The following QTRT1 variants were observed in gnomAD, a reference collection of about 807,000 sequenced individuals.
QTRT1 encodes TGT, 43-KD subunit.
In QTRT1, 41 loss-of-function variants were observed where a neutral mutation model predicts 44.0. The ratio of observed to expected loss-of-function variants is 0.93; its 90% CI spans 0.73 to 1.21. QTRT1 has a LOEUF of 1.21. QTRT1 is among the 50% of genes most tolerant of loss of function. QTRT1 has a pLI of 0.00. For missense variants in QTRT1, 542 were observed against 575.8 expected, an observed-to-expected ratio of 0.94 and a Z score of 0.60; for synonymous variants, 226 against 237.1, an observed-to-expected ratio of 0.95 and a Z score of 0.43.
chr19:10,707,633 C>A lies in QTRT1; in HGVS notation c.646+18C>A. 1 of 1,563,110 alleles carries A rather than the reference C, an allele frequency of 6.4e-7. No homozygotes were observed. The highest frequency in any genetic ancestry group is 8.7e-7 in the Non-Finnish European group (1 of 1,148,082). ...CCTTGAAGGTAGAGCCATGCGCTGG[C>A]AGGCCCAGGGCTTGGCCATCGCGGA... On this transcript the variant is annotated intron_variant, in intron 5 of 9. Coordinates refer to ENST00000250237, the MANE Select transcript of QTRT1 (RefSeq NM_031209.3).
intron 3 of QTRT1, among the ~76,000 whole-genome samples, chr19:10,703,838 G>A (rs2068700830): frequency 6.7e-6 from 1 of 148,372 alleles, no homozygotes; most frequent in African/African-American, 2.5e-5. Flanking sequence ...ATTTTTTTAT[G>A]TTTATTTATT....
Position 10,701,956 on chromosome 19 carries a change from G to A in QTRT1, c.250G>A (p.Glu84Lys), listed in dbSNP as rs1316165125. ...TYHLGLRPGP[E>K]LIQKANGLHG... ...CTTTCTTCCATCAACCCAGGGACCC[G>A]AGCTGATCCAGAAAGCCAACGGTCT... is the stretch of plus-strand genomic sequence containing the variant. Residue 84 changes from glutamate to lysine, a missense_variant, in exon 2 of 10, where the codon GAG becomes AAG. Coordinates refer to ENST00000250237, the MANE Select transcript of QTRT1 (RefSeq NM_031209.3). 6.2e-7 allele frequency: 1 copy of A among 1,614,176 alleles called. No individual in the cohort carries two copies. The highest frequency in any genetic ancestry group is 1.1e-5 in the South Asian group (1 of 91,078).
In QTRT1 at chr19:10,701,541, G is replaced by T; in HGVS notation, c.81G>T (p.Arg27Ser). 2 of 1,602,492 alleles carry T rather than the reference G, an allele frequency of 1.2e-6. No homozygotes were observed. The highest frequency in any genetic ancestry group is 8.5e-7 in the Non-Finnish European group (1 of 1,173,936). The change falls in exon 1 of 10, where the codon AGG becomes AGT. Residue 27 changes from arginine to serine, a missense_variant. By Grantham distance (110) the Arg-to-Ser change is moderately radical. Transcript: ENST00000250237. ...TGGTGGCCGAATGCAGCCGCTCCAG[G>T]GCCCGGGCAGGCGAGCTGTGGCTGC... is the stretch of plus-strand genomic sequence containing the variant. ...MRLVAECSRS[R>S]ARAGELWLPH...
chr19:10,709,819 A>G (rs889315105), intron 5 of QTRT1, among the ~76,000 whole-genome samples: 16 of 152,022 alleles, frequency 1.1e-4, no homozygotes, highest in African/African-American at 3.9e-4. Flanking sequence ...ACTGCACTCC[A>G]GCCTGGGCAA....
chr19:10,712,685 A>C lies in QTRT1; in HGVS notation c.861+57A>C. ...GAGACGGGTGGGGGACTAGGGAGGC[A>C]AGGTTAGGGGTGGGGGGTGGGGAGA... On this transcript the variant is annotated intron_variant, in intron 7 of 9. Coordinates refer to ENST00000250237, the MANE Select transcript of QTRT1 (RefSeq NM_031209.3). The surrounding 1 kb of genome is among the most constrained non-coding windows in gnomAD (Gnocchi z 5.6). 1.4e-6 allele frequency: 1 copy of C among 735,428 alleles called. No homozygotes were observed. Among genetic ancestry groups the C allele is most frequent in the Non-Finnish European group, 2.1e-6 (1 of 466,592 alleles). 45.6% of individuals were successfully genotyped at this position (735,428 alleles called of 1,614,324 possible).
At chr19:10,709,641 G>T (rs965081381) in intron 5 of QTRT1, among the ~76,000 whole-genome samples, 1 of 152,100 alleles carries the variant, frequency 6.6e-6, no homozygotes, top group Non-Finnish European at 1.5e-5. Flanking sequence ...GAGGTCGGGA[G>T]ATCGAGACCA....
In QTRT1 at chr19:10,712,747, C is replaced by G; in HGVS notation, c.862-11C>G. On this transcript the variant is annotated splice_polypyrimidine_tract_variant and intron_variant, in intron 7 of 9. Transcript: ENST00000250237. This position sits in a 1 kb window ranked among gnomAD's most constrained non-coding sequence, Gnocchi z 5.6. ...GGTGACGCCCCTTTCCCTGCCCTTC[C>G]TCTCCCACAGCGCTTTGGCTCTGCC... The G allele has an allele frequency of 6.2e-7, 1 of 1,612,448 alleles. No homozygotes were observed.
Position 10,707,625 on chromosome 19 carries a change from T to C in QTRT1, c.646+10T>C, listed in dbSNP as rs746648551. Reference sequence around the variant, plus strand: ...GCCACCTGCCTTGAAGGTAGAGCCATGCGCTGGCAGGCCCAGGGCTTGGCC... The same window carrying C: ...GCCACCTGCCTTGAAGGTAGAGCCACGCGCTGGCAGGCCCAGGGCTTGGCC... On this transcript the variant is annotated intron_variant, in intron 5 of 9. Transcript: ENST00000250237. 1.6e-5 allele frequency: 26 copies of C among 1,579,656 alleles called. No individual in the cohort carries two copies. In the Admixed American group the frequency reaches 3.8e-4, roughly 23 times the overall value.
At chr19:10,707,870 A>AC (rs1417173283) in intron 5 of QTRT1, among the ~76,000 whole-genome samples, 1 of 146,758 alleles carries the variant, frequency 6.8e-6, no homozygotes, top group African/African-American at 2.5e-5. Context: ...CAGGTGATCC[A>AC]CCCCCCTTGG....
intron 1 of QTRT1, 49 bp from the exon 2 acceptor site, chr19:10,701,901 C>G: frequency 6.2e-7 from 1 of 1,605,792 alleles, no homozygotes; most frequent in Non-Finnish European, 8.5e-7. Flanking sequence ...AAGAAGGGCC[C>G]CCAGGGACGC....
chr19:10,713,165 C>T lies in QTRT1; in HGVS notation c.1107C>T (p.Phe369=). The change falls in exon 10 of 10, where the codon TTC becomes TTT. Residue 369 remains phenylalanine (F), a synonymous_variant. Coordinates refer to ENST00000250237, the MANE Select transcript of QTRT1 (RefSeq NM_031209.3). The surrounding 1 kb of genome is among the most constrained non-coding windows in gnomAD (Gnocchi z 4.3). ...AVRTSIVEKR[F]PDFVRDFMGA... Reference sequence around the variant, plus strand: ...GCACCAGCATCGTGGAGAAGCGCTTCCCGGACTTCGTGCGGGACTTCATGG... The same window carrying T: ...GCACCAGCATCGTGGAGAAGCGCTTTCCGGACTTCGTGCGGGACTTCATGG... 6.2e-7 allele frequency: 1 copy of T among 1,609,424 alleles called. No homozygotes were observed. Among genetic ancestry groups the T allele is most frequent in the South Asian group, 1.1e-5 (1 of 90,784 alleles).
In QTRT1 at chr19:10,701,588, C is replaced by T; in HGVS notation, c.128C>T (p.Pro43Leu). 2.5e-6 allele frequency: 4 copies of T among 1,609,000 alleles called. No homozygotes were observed. The highest frequency in any genetic ancestry group is 3.4e-6 in the Non-Finnish European group (4 of 1,178,812). ...CTGCCGCATGGGACAGTGGCCACTC[C>T]TGTGTTCATGCCAGTGGGCACGCAG... ...LWLPHGTVAT[P>L]VFMPVGTQAT... Residue 43 changes from proline (P) to leucine (L), a missense_variant, in exon 1 of 10, where the codon CCT becomes CTT. Pro to Leu is a moderately conservative substitution (Grantham distance 98). Coordinates refer to ENST00000250237, the MANE Select transcript of QTRT1 (RefSeq NM_031209.3).
Position 10,701,652 on chromosome 19 carries a change from T to C in QTRT1, c.192T>C (p.Ala64=). 1.3e-6 allele frequency: 2 copies of C among 1,596,158 alleles called. No individual in the cohort carries two copies. Among genetic ancestry groups the C allele is most frequent in the Non-Finnish European group, 1.7e-6 (2 of 1,172,560 alleles). The change falls in exon 1 of 10, where the codon GCT becomes GCC. Residue 64 remains alanine, a synonymous_variant. Transcript: ENST00000250237. ...MKGITTEQLD[A]LGCRICLGNT... ...GCATCACGACCGAACAGCTGGACGC[T>C]CTGGGTTGCCGCATCTGCCTGGGCA... is the stretch of plus-strand genomic sequence containing the variant.
intron 5 of QTRT1, 97 bp downstream of exon 5, chr19:10,707,712 G>C: frequency 1.2e-6 from 1 of 834,376 alleles, no homozygotes; most frequent in Non-Finnish European, 1.8e-6. Flanking sequence ...TGTGTAGAAG[G>C]GCACTGCGCT....
intron 3 of QTRT1, among the ~76,000 whole-genome samples, chr19:10,704,626 T>G (rs1413681851): frequency 7.0e-6 from 1 of 142,190 alleles, no homozygotes; most frequent in Admixed American, 7.1e-5. Flanking sequence ...TCGCTCTTGT[T>G]GCCCAGGCTG....
In QTRT1 at chr19:10,707,288, C is replaced by T. The variant is rs770571260; in HGVS notation, c.452-14C>T. ...CGGGCTTTCCCAGTGATGTTGCCCC[C>T]ATCTCACCATCAGGCTCGGACATCA... On this transcript the variant is annotated splice_polypyrimidine_tract_variant and intron_variant, in intron 3 of 9. Transcript: ENST00000250237. 6.2e-6 allele frequency: 10 copies of T among 1,613,544 alleles called. No homozygotes were observed. Among genetic ancestry groups the T allele is most frequent in the Non-Finnish European group, 7.6e-6 (9 of 1,179,546 alleles).
rs370414301 is a variant in QTRT1 at position 10,712,534 on chromosome 19, G to T, written c.786-19G>T. 3 of 1,611,756 alleles carry T rather than the reference G, an allele frequency of 1.9e-6. No individual in the cohort carries two copies. The highest frequency in any genetic ancestry group is 2.2e-5 in the East Asian group (1 of 44,882). On this transcript the variant is annotated intron_variant, in intron 6 of 9. Coordinates refer to ENST00000250237, the MANE Select transcript of QTRT1 (RefSeq NM_031209.3). This position sits in a 1 kb window ranked among gnomAD's most constrained non-coding sequence, Gnocchi z 5.6. ...CCCCTGAGGTTCTCTGCCCCCTCCC[G>T]TCATGGCTGCAACCCCAGCTATGCC...
In QTRT1 at chr19:10,713,232, A is replaced by T; in HGVS notation, c.1174A>T (p.Thr392Ser). 6.2e-7 allele frequency: 1 copy of T among 1,602,876 alleles called. No individual in the cohort carries two copies. Among genetic ancestry groups the T allele is most frequent in the Non-Finnish European group, 8.5e-7 (1 of 1,174,492 alleles). Residue 392 changes from threonine to serine, a missense_variant, in exon 10 of 10, where the codon ACT becomes TCT. By Grantham distance (58) the Thr-to-Ser change is moderately conservative. Coordinates refer to ENST00000250237, the MANE Select transcript of QTRT1 (RefSeq NM_031209.3). The surrounding 1 kb of genome is among the most constrained non-coding windows in gnomAD (Gnocchi z 4.3). ...GDPTLCPTWA[T>S]DALASVGITL... Reference sequence around the variant, plus strand: ...TCCCACCCTCTGTCCCACCTGGGCCACTGACGCTCTGGCCTCTGTGGGAAT... The same window carrying T: ...TCCCACCCTCTGTCCCACCTGGGCCTCTGACGCTCTGGCCTCTGTGGGAAT...
chr19:10,702,389 C>CG, intron 3 of QTRT1, 135 bp downstream of exon 3: 1 of 948,188 alleles, frequency 1.1e-6, no homozygotes, highest in Non-Finnish European at 1.6e-6. Flanking sequence ...CAACTCAAAG[C>CG]GGGGGTAAAT....
Sources: gnomAD v4.1 joint callset for allele counts (sites outside exome capture counted in the v4.1 genomes callset) on GRCh38, gnomAD v4.1.1 for gene constraint, Gnocchi (gnomAD v3.1) non-coding constraint, MANE v1.5 for transcripts, NCBI Gene and HGNC (gene_info 2026-07-23, HGNC 2026-07-21) for gene names.